The following IL1RAPL1 variants were observed in gnomAD, a reference collection of about 807,000 sequenced individuals.
The protein encoded by IL1RAPL1 is interleukin 1 receptor accessory protein like 1, also known as interleukin-1 receptor accessory protein-like 1.
IL1RAPL1 carries 3 observed loss-of-function variants against 48.4 expected under a neutral mutation model. The observed-to-expected ratio is 0.06, with a 90% CI of 0.03 to 0.16. The LOEUF (loss-of-function observed/expected upper bound fraction) is 0.16, where lower values mean the gene tolerates loss of function less well. Ranked by LOEUF, IL1RAPL1 falls within the 10% of genes least tolerant of loss-of-function variation. IL1RAPL1 has a pLI of 1.00. For synonymous variants in IL1RAPL1, 185 were observed against 187.7 expected, an observed-to-expected ratio of 0.99 and a Z score of 0.12; for missense variants, 349 against 530.6, an observed-to-expected ratio of 0.66 and a Z score of 3.36.
intron 5 of IL1RAPL1, among the ~76,000 whole-genome samples, chrX:29,552,805 T>C (rs1921862214): frequency 1.1e-5 from 1 of 92,969 alleles, no homozygotes; most frequent in Non-Finnish European, 2.2e-5. Context: ...CACTCTCCTT[T>C]TTTTTTTTTT....
chrX:28,762,823 C>CACACACACACAG (rs1268556014), intron 1 of IL1RAPL1, among the ~76,000 whole-genome samples: 73 of 36,755 alleles, frequency 2.0e-3, no homozygotes, highest in East Asian at 8.0e-3. Context: ...CACACACACA[C>CACACACACACAG]AGAGAGAGAG....
chrX:28,721,131 A>G (rs1032640257), intron 1 of IL1RAPL1, among the ~76,000 whole-genome samples: 4 of 111,690 alleles, frequency 3.6e-5, no homozygotes, highest in Admixed American at 9.5e-5. Flanking sequence ...GGCTGGGTCA[A>G]ATGGTATTTC....
intron 5 of IL1RAPL1, among the ~76,000 whole-genome samples, chrX:29,612,468 C>T (rs1008528979): frequency 2.7e-5 from 3 of 109,467 alleles, no homozygotes; most frequent in African/African-American, 1.0e-4. Context: ...GAAAGGATAA[C>T]TGTCTTTCAT....
At chrX:28,867,584 C>T (rs1284532459) in intron 2 of IL1RAPL1, among the ~76,000 whole-genome samples, 2 of 111,813 alleles carry the variant, frequency 1.8e-5, no homozygotes, top group Non-Finnish European at 1.9e-5. Context: ...TTTTCAGAAG[C>T]GGGTTGCTAA....
chrX:29,043,208 C>A (rs1926883361), intron 2 of IL1RAPL1, among the ~76,000 whole-genome samples: 1 of 111,408 alleles, frequency 9.0e-6, no homozygotes, highest in South Asian at 3.7e-4. Context: ...TCTATGGCTG[C>A]CATAGTACCT....
In IL1RAPL1 at chrX:29,073,795, A is replaced by C. The variant is rs113853645; in HGVS notation, c.83-209143A>C. Among the ~76,000 whole-genome samples the C allele has an allele frequency of 1.5e-3, 163 of 111,521 alleles. 1 individual carries two copies. Among genetic ancestry groups the C allele is most frequent in the Middle Eastern group, 9.4e-3 (2 of 212 alleles). ...CACTAACTCTTTTATTTTTTTAAAA[A>C]TAATCTTCCCAACAACCCTTCAGTG... On this transcript the variant is annotated intron_variant, in intron 2 of 10. Transcript: ENST00000378993.
At chrX:29,190,135 C>T (rs1930324075) in intron 2 of IL1RAPL1, among the ~76,000 whole-genome samples, 1 of 111,567 alleles carries the variant, frequency 9.0e-6, no homozygotes, top group South Asian at 3.7e-4. Context: ...ATAATGTATG[C>T]AAAGTGTGAT....
intron 2 of IL1RAPL1, among the ~76,000 whole-genome samples, chrX:29,246,341 T>G (rs1488133365): frequency 2.7e-5 from 3 of 109,518 alleles, no homozygotes; most frequent in African/African-American, 1.0e-4. Flanking sequence ...GTCTTAGGCC[T>G]TTAGGGGTCA....
chrX:28,624,691 C>T (rs1223375887), intron 1 of IL1RAPL1, among the ~76,000 whole-genome samples: 1 of 111,877 alleles, frequency 8.9e-6, no homozygotes, highest in Admixed American at 9.6e-5. Context: ...CTTATCTGAA[C>T]TCGGAATCTA....
chrX:29,623,135 A>G (rs1411478794), intron 5 of IL1RAPL1, among the ~76,000 whole-genome samples: 1 of 107,306 alleles, frequency 9.3e-6, no homozygotes, highest in African/African-American at 3.4e-5. Context: ...TGCAAAAATT[A>G]GCCTGGCCTG....
chrX:29,827,674 G>A (rs1349987924), intron 6 of IL1RAPL1, among the ~76,000 whole-genome samples: 1 of 112,477 alleles, frequency 8.9e-6, no homozygotes, highest in African/African-American at 3.2e-5. Flanking sequence ...ACCAGGCCAA[G>A]CTCAATACTT....
At chrX:29,203,688 C>T (rs1301729801) in intron 2 of IL1RAPL1, among the ~76,000 whole-genome samples, 9 of 101,237 alleles carry the variant, frequency 8.9e-5, no homozygotes, top group Non-Finnish European at 1.2e-4. Context: ...CATTGCACTC[C>T]GGCCTGGGCA....
intron 5 of IL1RAPL1, among the ~76,000 whole-genome samples, chrX:29,433,251 G>A (rs1934442015): frequency 9.1e-6 from 1 of 110,431 alleles, no homozygotes; most frequent in Admixed American, 9.7e-5. Flanking sequence ...ACCACTGTTT[G>A]CCTTTAGACA....
intron 5 of IL1RAPL1, among the ~76,000 whole-genome samples, chrX:29,413,570 G>C (rs1175114048): frequency 1.0e-5 from 1 of 97,705 alleles, no homozygotes; most frequent in Non-Finnish European, 2.0e-5. Flanking sequence ...TGTTCTCGTT[G>C]TTCAGTTCCC....
rs182123086 is a variant in IL1RAPL1 at position 29,178,998 on chromosome X, G to A, written c.83-103940G>A. On this transcript the variant is annotated intron_variant, in intron 2 of 10. Coordinates refer to ENST00000378993, the MANE Select transcript of IL1RAPL1 (RefSeq NM_014271.4). ...GTACCATCCTGTTTTGGTTACTGTA[G>A]CCTTGTAGTATAGTTTGAAGTCAGG... Among the ~76,000 whole-genome samples the A allele has an allele frequency of 7.4e-3, 832 of 111,865 alleles. 6 individuals carry two copies. Among genetic ancestry groups the A allele is most frequent in the African/African-American group, 0.024 (747 of 30,813 alleles).
At chrX:28,982,579 T>C (rs60723453) in intron 2 of IL1RAPL1, among the ~76,000 whole-genome samples, 22 of 111,709 alleles carry the variant, frequency 2.0e-4, no homozygotes, top group African/African-American at 6.5e-4. Flanking sequence ...AGGGTATGTA[T>C]TTCATTTATT....
At chrX:28,947,223 T>C (rs2147352670) in intron 2 of IL1RAPL1, among the ~76,000 whole-genome samples, 1 of 111,836 alleles carries the variant, frequency 8.9e-6, no homozygotes, top group Admixed American at 9.5e-5. Flanking sequence ...CATGTGTATG[T>C]TTGTGTATCC....
chrX:28,589,468 A>G (rs981166405), intron 1 of IL1RAPL1, among the ~76,000 whole-genome samples: 1 of 111,105 alleles, frequency 9.0e-6, no homozygotes, highest in Admixed American at 9.6e-5. Flanking sequence ...GGGACATCAG[A>G]TCATATAAGC....
intron 5 of IL1RAPL1, among the ~76,000 whole-genome samples, chrX:29,608,917 A>T (rs1924005133): frequency 8.9e-6 from 1 of 112,299 alleles, no homozygotes; most frequent in Non-Finnish European, 1.9e-5. Context: ...CTGAAGTGAG[A>T]GCAGCTGTTA....
Sources: gnomAD v4.1 joint callset for allele counts (sites outside exome capture counted in the v4.1 genomes callset) on GRCh38, gnomAD v4.1.1 for gene constraint, MANE v1.5 for transcripts, NCBI Gene and HGNC (gene_info 2026-07-23, HGNC 2026-07-21) for gene names.